Variants in DACT2 observed in about 807,000 individuals in gnomAD.
DACT2 encodes the protein dapper homolog 2.
DACT2 carries 20 observed loss-of-function variants against 22.2 expected under a neutral mutation model. That is an observed-to-expected ratio of 0.90 (90% CI 0.63 to 1.31). The LOEUF (loss-of-function observed/expected upper bound fraction) is 1.31, where lower values mean the gene tolerates loss of function less well. DACT2 is among the 50% of genes most tolerant of loss of function. DACT2 has a pLI of 0.00. For missense variants in DACT2, 1,048 were observed against 1,061.4 expected (o/e 0.99, Z 0.18); for synonymous variants, 463 against 479.8 (o/e 0.96, Z 0.46).
rs1254164941 is a variant in DACT2 at position 168,308,880 on chromosome 6, TAGTC to T, written c.873_876del (p.Thr292ArgfsTer22). 6.4e-7 allele frequency: 1 copy of T among 1,550,828 alleles called. No individual in the cohort carries two copies. On this transcript the variant is annotated frameshift_variant, in exon 4 of 4. Transcript: ENST00000366795. LOFTEE classifies it low-confidence loss of function (END_TRUNC). ...GGGCCACCTCTCTGTGGGGTTTCCT[TAGTC>T]AGGACAAACAGGGGGCTCTGTAGAG...
rs1245647529 is a variant in DACT2, at chr6:168,319,777, T to C, written c.-144A>G. 2 of 1,157,462 alleles carry C rather than the reference T, an allele frequency of 1.7e-6. No individual in the cohort carries two copies. Among genetic ancestry groups the C allele is most frequent in the African/African-American group, 1.6e-5 (1 of 61,586 alleles). The allele number at this position is 1,157,462 out of a possible 1,614,324, so 71.7% of individuals were successfully genotyped here. Reference sequence around the variant, plus strand: ...CAGGTCGCCAAGGTGGGCTGGAATCTGTGGCCAGGCGCGGAGGGCGGGGTC... The same window carrying C: ...CAGGTCGCCAAGGTGGGCTGGAATCCGTGGCCAGGCGCGGAGGGCGGGGTC... On this transcript the variant is annotated 5_prime_UTR_variant, in exon 1 of 4. Transcript: ENST00000366795.
chr6:168,310,221 A>ACGCT lies in DACT2; in HGVS notation c.601_604dup (p.Val202GlufsTer21), dbSNP rs1336906264. The ACGCT allele has an allele frequency of 6.4e-7, 1 of 1,550,792 alleles. No individual in the cohort carries two copies. Among genetic ancestry groups the ACGCT allele is most frequent in the South Asian group, 1.2e-5 (1 of 84,028 alleles). On this transcript the variant is annotated frameshift_variant, in exon 3 of 4. Transcript: ENST00000366795. LOFTEE classifies it high-confidence loss of function. ...GCCCCACGGCTGGCCTGCATCCTCC[A>ACGCT]CGCTCCCTGGGGGCCTGGCGCCCTC... is the stretch of plus-strand genomic sequence containing the variant.
downstream of DACT2, among the ~76,000 whole-genome samples, chr6:168,304,725 C>T (rs1056670617): frequency 6.6e-6 from 1 of 152,198 alleles, no homozygotes; most frequent in Non-Finnish European, 1.5e-5. Flanking sequence ...TCCTGAGGAG[C>T]TATCAGCTTC....
chr6:168,313,845 G>A (rs918988510), intron 1 of DACT2, among the ~76,000 whole-genome samples: 37 of 152,232 alleles, frequency 2.4e-4, no homozygotes, highest in Admixed American at 1.9e-3. Context: ...TGTGATTAAT[G>A]TTTGGCCAGC....
rs562603287 is a variant in DACT2 at position 168,297,448 on chromosome 6, T to A, written c.659-2744A>T. 1.1e-4 allele frequency among the ~76,000 whole-genome samples: 16 copies of A among 151,996 alleles called. No individual in the cohort carries two copies. In the East Asian group the frequency reaches 2.5e-3, roughly 24 times the overall value. On this transcript the variant is annotated intron_variant, in intron 3 of 5. Coordinates refer to the DACT2 transcript ENST00000366796. ...CAGCTTGAGAAGGACTCACAGATGT[T>A]CCCAGCTTTCACAGTGGAAGAGGAG...
chr6:168,318,249 T>C (rs1323596471), intron 1 of DACT2, among the ~76,000 whole-genome samples: 1 of 152,252 alleles, frequency 6.6e-6, no homozygotes, highest in South Asian at 2.1e-4. Flanking sequence ...GCTACTTTCC[T>C]CTCAGGAGGC....
At position 168,319,509 on chromosome 6, in the gene DACT2, C is replaced by A; in HGVS notation, c.125G>T (p.Arg42Leu). Residue 42 changes from arginine (R) to leucine (L), a missense_variant, in exon 1 of 4, where the codon CGG becomes CTG. Coordinates refer to ENST00000366795, the MANE Select transcript of DACT2 (RefSeq NM_214462.5). ...CTGCAGGGCCAGGGCGCCCCGTACCCGCTCCTGCTGCGTGGCTCGCAGCCC... is the reference window on the plus strand; with the variant it reads ...CTGCAGGGCCAGGGCGCCCCGTACCAGCTCCTGCTGCGTGGCTCGCAGCCC... ...LQGLRATQQE[R>L]VRGALALQPP... The A allele has an allele frequency of 7.5e-7, 1 of 1,329,616 alleles. No individual in the cohort carries two copies. The highest frequency in any genetic ancestry group is 9.7e-7 in the Non-Finnish European group (1 of 1,032,672). 82.4% of individuals were successfully genotyped at this position (1,329,616 alleles called of 1,614,324 possible).
At chr6:168,309,247 A>G in intron 3 of DACT2, 149 bp from the exon 4 acceptor site, 2 of 1,297,150 alleles carry the variant, frequency 1.5e-6, no homozygotes, top group Non-Finnish European at 2.1e-6. Context: ...GGCGACTCAC[A>G]GTCACTGAGG....
chr6:168,308,991 G>C lies in DACT2; in HGVS notation c.766C>G (p.Pro256Ala). The change falls in exon 4 of 4, where the codon CCG becomes GCG. Residue 256 changes from proline to alanine, a missense_variant. Pro to Ala is a conservative substitution (Grantham distance 27, BLOSUM62 -1). Coordinates refer to ENST00000366795, the MANE Select transcript of DACT2 (RefSeq NM_214462.5). Reference sequence around the variant, plus strand: ...AGGTCCTGCCGATACTTGGGGTCCGGCACGTGCAGCGGGATATCCACCCCC... The same window carrying C: ...AGGTCCTGCCGATACTTGGGGTCCGCCACGTGCAGCGGGATATCCACCCCC... ...CQGVDIPLHV[P>A]DPKYRQDLVS... The C allele has an allele frequency of 6.5e-7, 1 of 1,549,086 alleles. No homozygotes were observed. The highest frequency in any genetic ancestry group is 8.7e-7 in the Non-Finnish European group (1 of 1,146,974).
At position 168,308,173 on chromosome 6, in the gene DACT2, G is replaced by A; in HGVS notation, c.1584C>T (p.Pro528=). The stretch of plus-strand genomic sequence containing the variant: ...CAGGGTCCCACTCCAGGGATGGCTG[G>A]GGGGCTGCATGGGCTCCCTCAGGCC... The part of the protein sequence containing the change: ...LDRPEGAHAA[P]QPSLEWDPAH... The change falls in exon 4 of 4, where the codon CCC becomes CCT. Residue 528 remains proline, a synonymous_variant. Transcript: ENST00000366795. 2 of 1,551,072 alleles carry A rather than the reference G, an allele frequency of 1.3e-6. No individual in the cohort carries two copies. Among genetic ancestry groups the A allele is most frequent in the Non-Finnish European group, 1.7e-6 (2 of 1,146,972 alleles).
intron 1 of DACT2, among the ~76,000 whole-genome samples, chr6:168,319,071 G>A (rs899479092): frequency 6.6e-6 from 1 of 152,104 alleles, no homozygotes; most frequent in African/African-American, 2.4e-5. Flanking sequence ...ACCCTGTAAC[G>A]AACAGGGTGT....
intron 3 of DACT2, among the ~76,000 whole-genome samples, chr6:168,301,583 T>A (rs531659860): frequency 1.8e-4 from 28 of 152,324 alleles, no homozygotes; most frequent in Admixed American, 3.9e-4. Flanking sequence ...TCCTAATTTT[T>A]GTCCCTGCTT....
At chr6:168,298,750 G>A (rs1295766367) in intron 3 of DACT2, 1 of 152,184 alleles carries the variant, frequency 6.6e-6, no homozygotes, top group Non-Finnish European at 1.5e-5. Context: ...TGGGACCTTG[G>A]GCAACAGATT....
exon 5 of DACT2, chr6:168,294,195 C>T (rs1778959831): frequency 1.4e-6 from 1 of 702,894 alleles, no homozygotes; most frequent in African/African-American, 1.7e-5. Flanking sequence ...CCAGAACCTA[C>T]ACCTAACACA....
At chr6:168,319,274 C>G in intron 1 of DACT2, 114 bp downstream of exon 1, 6 of 968,106 alleles carry the variant, frequency 6.2e-6, no homozygotes, top group Non-Finnish European at 7.8e-6. Context: ...TCCCAAAGGA[C>G]GTCCCCTCCA....
At chr6:168,317,957 C>T (rs1779554140) in intron 1 of DACT2, among the ~76,000 whole-genome samples, 1 of 91,806 alleles carries the variant, frequency 1.1e-5, no homozygotes, top group Non-Finnish European at 2.7e-5. Flanking sequence ...CACACAACAG[C>T]ATCTCGGCAG....
At chr6:168,304,664 A>G (rs370967210), downstream of DACT2, among the ~76,000 whole-genome samples, 101 of 152,352 alleles carry the variant, frequency 6.6e-4, no homozygotes, top group African/African-American at 2.2e-3. Context: ...TGGGGAGCAC[A>G]GACAGATGTG....
At chr6:168,310,009 C>G (rs1779352464) in intron 3 of DACT2, among the ~76,000 whole-genome samples, 159 bp downstream of exon 3, 1 of 152,230 alleles carries the variant, frequency 6.6e-6, no homozygotes, top group Non-Finnish European at 1.5e-5. Context: ...TGCCTCCATC[C>G]AAACCACCAC....
chr6:168,294,571 G>GTATATATATA (rs1257624625), intron 4 of DACT2: 2 of 514,504 alleles, frequency 3.9e-6, no homozygotes, highest in African/African-American at 1.0e-4. Flanking sequence ...ATGTGTGTGT[G>GTATATATATA]TGTGTGTATA....
Sources: gnomAD v4.1 joint callset for allele counts (sites outside exome capture counted in the v4.1 genomes callset) on GRCh38, gnomAD v4.1.1 for gene constraint, MANE v1.5 for transcripts, NCBI Gene and HGNC (gene_info 2026-07-23, HGNC 2026-07-21) for gene names.